Variants in UBR1 observed in about 807,000 individuals in gnomAD.
UBR1 encodes the protein ubiquitin protein ligase E3 component n-recognin 1, also known as E3 ubiquitin-protein ligase UBR1.
In UBR1, 102 loss-of-function variants were observed where a neutral mutation model predicts 242.1. The observed-to-expected ratio is 0.42, with a 90% CI of 0.36 to 0.50. The LOEUF (loss-of-function observed/expected upper bound fraction) is 0.50, where lower values mean the gene tolerates loss of function less well. Among genes scored for constraint, UBR1 ranks in the 20% least tolerant of loss-of-function variants. The pLI, the probability that UBR1 is intolerant of heterozygous loss-of-function variation, is 0.01. For synonymous variants in UBR1, 675 were observed against 684.8 expected (o/e 0.99, Z 0.22); for missense variants, 1,772 against 2,101.8 (o/e 0.84, Z 3.07).
chr15:43,036,674 C>G, intron 17 of UBR1, 81 bp from the exon 18 acceptor site: 1 of 1,008,084 alleles, frequency 9.9e-7, no homozygotes, highest in Non-Finnish European at 1.5e-6. Flanking sequence ...ATCCTTAAAA[C>G]TTTCTCTAAG....
Position 43,025,420 on chromosome 15 carries a change from T to A in UBR1, c.2545A>T (p.Met849Leu), listed in dbSNP as rs1195972068. Residue 849 changes from methionine (M) to leucine (L), a missense_variant, in exon 24 of 47, where the codon ATG (methionine) becomes TTG (leucine). Around this residue, in one of 3 missense-constraint regions of UBR1, gnomAD observed 965 missense variants for 1,079.7 expected, o/e 0.89. Coordinates refer to ENST00000290650, the MANE Select transcript of UBR1 (RefSeq NM_174916.3). ...SKTQHSKAEH[M>L]QKKRRKQENK... ...TCTTGTTTTCTCCTTTTCTTCTGCA[T>A]ATGTTCAGCCTATAAAAAAATCTAT... The A allele has an allele frequency of 1.9e-6, 3 of 1,607,034 alleles. No homozygotes were observed. Among genetic ancestry groups the A allele is most frequent in the Admixed American group, 3.3e-5 (2 of 59,784 alleles).
At chr15:43,075,437 ATTT>A (rs570454785) in intron 3 of UBR1, among the ~76,000 whole-genome samples, 2 of 150,490 alleles carry the variant, frequency 1.3e-5, no homozygotes, top group African/African-American at 2.4e-5. Flanking sequence ...AACACCTAGA[ATTT>A]TTTTTTTAAT....
At chr15:43,089,946 C>T (rs2034088349) in intron 1 of UBR1, among the ~76,000 whole-genome samples, 1 of 152,126 alleles carries the variant, frequency 6.6e-6, no homozygotes, top group South Asian at 2.1e-4. Flanking sequence ...TGGGTGTTAT[C>T]CTAGAACAGA....
At chr15:43,068,311 CCTAAGTAT>C (rs202164228) in intron 5 of UBR1, among the ~76,000 whole-genome samples, 2,704 of 151,154 alleles carry the variant, frequency 0.018, 37 homozygotes, top group Middle Eastern at 0.038. Flanking sequence ...ACCTCAGCCT[CCTAAGTAT>C]CTGAGACTGC....
intron 1 of UBR1, among the ~76,000 whole-genome samples, chr15:43,105,382 G>T (rs997131917): frequency 2.6e-5 from 4 of 152,132 alleles, no homozygotes; most frequent in Admixed American, 1.3e-4. Flanking sequence ...GAAATGTTTG[G>T]GAGTCCTTTC....
intron 11 of UBR1, among the ~76,000 whole-genome samples, chr15:43,055,248 T>C (rs2033602523): frequency 6.6e-6 from 1 of 152,016 alleles, no homozygotes; most frequent in Non-Finnish European, 1.5e-5. Flanking sequence ...AGTTCGAGAC[T>C]ATCCTGGTCA....
At chr15:43,081,106 T>C (rs1016912231) in intron 3 of UBR1, among the ~76,000 whole-genome samples, 10 of 152,034 alleles carry the variant, frequency 6.6e-5, no homozygotes, top group African/African-American at 2.2e-4. Context: ...AGTTATACCA[T>C]ATTGCATTTC....
At chr15:43,078,572 G>A (rs2033934953) in intron 3 of UBR1, among the ~76,000 whole-genome samples, 2 of 152,166 alleles carry the variant, frequency 1.3e-5, no homozygotes, top group Admixed American at 1.3e-4. Flanking sequence ...CAATCACAAA[G>A]CTAAAGAAAA....
intron 1 of UBR1, among the ~76,000 whole-genome samples, chr15:43,092,460 A>C (rs192023939): frequency 2.6e-5 from 4 of 152,240 alleles, no homozygotes; most frequent in African/African-American, 9.6e-5. Context: ...CAAGTACACA[A>C]TAAAAGTTAT....
chr15:43,000,963 A>C (rs186696385), intron 32 of UBR1, among the ~76,000 whole-genome samples: 346 of 152,064 alleles, frequency 2.3e-3, no homozygotes, highest in African/African-American at 7.9e-3. Flanking sequence ...CCTCCTGAGT[A>C]GCTGGGATTA....
At chr15:43,006,443 A>C (rs900684554) in intron 30 of UBR1, among the ~76,000 whole-genome samples, 10 of 152,186 alleles carry the variant, frequency 6.6e-5, no homozygotes, top group Non-Finnish European at 1.5e-4. Context: ...TGCCTGGCTA[A>C]TATGTTTGTA....
intron 41 of UBR1, among the ~76,000 whole-genome samples, chr15:42,965,628 C>T (rs1393681633): frequency 6.6e-6 from 1 of 152,122 alleles, no homozygotes; most frequent in East Asian, 1.9e-4. Flanking sequence ...CCATGCCCAG[C>T]TAATTTTTTT....
chr15:43,054,747 G>A lies in UBR1; in HGVS notation c.1434C>T (p.Asp478=), dbSNP rs144700609. 3.7e-6 allele frequency: 6 copies of A among 1,613,826 alleles called. No homozygotes were observed. In the African/African-American group the frequency reaches 8.0e-5, roughly 22 times the overall value. ...KLGRVYAVIC[D]LKYILISKPT... ...TTTTGACTTGAACAACTTACTTTAG[G>A]TCACATATTACTGCATATACTCTTC... The change falls in exon 12 of 47, where the codon GAC becomes GAT. Residue 478 remains aspartate, a synonymous_variant. Transcript: ENST00000290650.
chr15:43,029,269 T>G (rs904177592), intron 21 of UBR1, among the ~76,000 whole-genome samples: 2 of 152,216 alleles, frequency 1.3e-5, no homozygotes, highest in African/African-American at 4.8e-5. Flanking sequence ...GTAGGACTAT[T>G]ACCACAGTAT....
chr15:42,997,107 T>C (rs1484717589), intron 33 of UBR1, among the ~76,000 whole-genome samples: 1 of 152,186 alleles, frequency 6.6e-6, no homozygotes, highest in African/African-American at 2.4e-5. Flanking sequence ...TTCCCATCAC[T>C]TGCATTGTCG....
chr15:42,952,687 TG>T (rs1170090112), intron 44 of UBR1, among the ~76,000 whole-genome samples: 1 of 152,184 alleles, frequency 6.6e-6, no homozygotes, highest in Non-Finnish European at 1.5e-5. Flanking sequence ...ACATAAATGG[TG>T]TCCTGATAAT....
chr15:43,008,257 G>A (rs936978318), intron 29 of UBR1, among the ~76,000 whole-genome samples: 6 of 152,240 alleles, frequency 3.9e-5, no homozygotes, highest in East Asian at 1.9e-4. Context: ...CAGAAGCCCC[G>A]TGCTCCCGGG....
chr15:42,957,808 A>G (rs146488861), intron 44 of UBR1, among the ~76,000 whole-genome samples: 574 of 152,240 alleles, frequency 3.8e-3, no homozygotes, highest in Middle Eastern at 0.037. Flanking sequence ...TTGAGGCTGC[A>G]GTGAGCTATA....
chr15:43,034,980 A>G lies in UBR1; in HGVS notation c.2190+1198T>C, dbSNP rs550424005. 1.5e-4 allele frequency among the ~76,000 whole-genome samples: 23 copies of G among 152,278 alleles called. No homozygotes were observed. In the South Asian group the frequency reaches 3.9e-3, roughly 26 times the overall value. Reference sequence around the variant, plus strand: ...AAAAATGTGTCTTAACAAAATAGAGAAGTATTTAAATACTGAGCTACAAAT... The same window carrying G: ...AAAAATGTGTCTTAACAAAATAGAGGAGTATTTAAATACTGAGCTACAAAT... On this transcript the variant is annotated intron_variant, in intron 19 of 46. Coordinates refer to ENST00000290650, the MANE Select transcript of UBR1 (RefSeq NM_174916.3).
Sources: gnomAD v4.1 joint callset for allele counts (sites outside exome capture counted in the v4.1 genomes callset) on GRCh38, gnomAD v4.1.1 for gene constraint, gnomAD v4.1.1 regional missense constraint, MANE v1.5 for transcripts, NCBI Gene and HGNC (gene_info 2026-07-23, HGNC 2026-07-21) for gene names.